ZNF469: variants seen among roughly 807,000 people sequenced by gnomAD.
ZNF469 encodes zinc finger protein 469.
A neutral mutation model predicts 1.0 loss-of-function variants in ZNF469; 1 was observed. The observed-to-expected ratio is 1.00, with a 90% CI of 0.35 to 4.73. The LOEUF (loss-of-function observed/expected upper bound fraction) is 4.73. Among genes scored for constraint, ZNF469 ranks in the 30% most tolerant of loss-of-function variants. ZNF469 has a pLI of 0.16. For missense variants in ZNF469, 6,100 were observed against 5,356.3 expected, an observed-to-expected ratio of 1.14 and a Z score of -4.33; for synonymous variants, 2,703 against 2,363.4, an observed-to-expected ratio of 1.14 and a Z score of -4.17.
the ZNF469 span, among the ~76,000 whole-genome samples, chr16:88,209,956 C>T: frequency 6.6e-6 from 1 of 152,174 alleles, no homozygotes; most frequent in Non-Finnish European, 1.5e-5. Context: ...ATTACTGATG[C>T]AAAACTAAAC....
the ZNF469 span, among the ~76,000 whole-genome samples, chr16:88,248,209 G>T: frequency 6.6e-6 from 1 of 152,202 alleles, no homozygotes; most frequent in Non-Finnish European, 1.5e-5. Context: ...CACTCTTAGG[G>T]TGAGAGAGCT....
the ZNF469 span, among the ~76,000 whole-genome samples, chr16:88,297,128 T>C: frequency 6.6e-6 from 1 of 152,218 alleles, no homozygotes; most frequent in African/African-American, 2.4e-5. Flanking sequence ...AGGGGCTGCT[T>C]TCGGCTCTAG....
At chr16:88,145,309 A>T in the ZNF469 span, among the ~76,000 whole-genome samples, 1 of 152,228 alleles carries the variant, frequency 6.6e-6, no homozygotes, top group South Asian at 2.1e-4. Context: ...TAATGAATGC[A>T]TGCCACCTGG....
At chr16:88,344,887 G>A in the ZNF469 span, among the ~76,000 whole-genome samples, 1 of 152,226 alleles carries the variant, frequency 6.6e-6, no homozygotes, top group Admixed American at 6.5e-5. Flanking sequence ...AGGTCGCCCT[G>A]CCTCCATCAC....
the ZNF469 span, among the ~76,000 whole-genome samples, chr16:88,326,935 C>G: frequency 6.6e-6 from 1 of 152,174 alleles, no homozygotes; most frequent in Non-Finnish European, 1.5e-5. Context: ...CCACCTCTCT[C>G]GGCCTGTGTC....
the ZNF469 span, among the ~76,000 whole-genome samples, chr16:88,333,240 C>T: frequency 1.1e-4 from 16 of 152,198 alleles, 1 homozygote; most frequent in Middle Eastern, 0.01. Flanking sequence ...GTCTCCAAGC[C>T]GGTGGGTACG....
At chr16:88,242,714 G>A in the ZNF469 span, among the ~76,000 whole-genome samples, 2 of 152,280 alleles carry the variant, frequency 1.3e-5, no homozygotes, top group Non-Finnish European at 2.9e-5. Flanking sequence ...GGGTCAGCCT[G>A]GTTCCCACAG....
chr16:88,417,203 G>A (rs563700547), intron 1 of ZNF469, among the ~76,000 whole-genome samples: 10 of 152,116 alleles, frequency 6.6e-5, no homozygotes, highest in Admixed American at 3.9e-4. Context: ...AAAGCCAGGG[G>A]CGAAAGAGCC....
chr16:88,154,646 ACTTTC>A, the ZNF469 span, among the ~76,000 whole-genome samples: 2 of 152,188 alleles, frequency 1.3e-5, no homozygotes, highest in Admixed American at 1.3e-4. Flanking sequence ...CTGGCTGCTC[ACTTTC>A]CTGTTTGTAA....
the ZNF469 span, among the ~76,000 whole-genome samples, chr16:88,347,399 C>T: frequency 6.6e-6 from 1 of 152,128 alleles, no homozygotes; most frequent in African/African-American, 2.4e-5. Context: ...GTGAGATTTC[C>T]ACTGAGCCGC....
At chr16:88,232,104 C>T in the ZNF469 span, among the ~76,000 whole-genome samples, 1 of 152,144 alleles carries the variant, frequency 6.6e-6, no homozygotes, top group African/African-American at 2.4e-5. Flanking sequence ...CCTCAGACCT[C>T]GACCACGCAA....
At chr16:88,258,068 C>G in the ZNF469 span, among the ~76,000 whole-genome samples, 4 of 152,184 alleles carry the variant, frequency 2.6e-5, no homozygotes, top group Non-Finnish European at 4.4e-5. Flanking sequence ...TTTGCCCCAA[C>G]CAGAGGTGAT....
At chr16:88,137,438 G>A in the ZNF469 span, among the ~76,000 whole-genome samples, 4,479 of 152,182 alleles carry the variant, frequency 0.029, 219 homozygotes, top group African/African-American at 0.1. Context: ...GCATGCAACC[G>A]TGTGTGTGCA....
the ZNF469 span, among the ~76,000 whole-genome samples, chr16:88,245,305 G>A: frequency 6.6e-6 from 1 of 152,366 alleles, no homozygotes; most frequent in Admixed American, 6.5e-5. Flanking sequence ...GGAGGAGGCT[G>A]TGACTCAGTC....
the ZNF469 span, among the ~76,000 whole-genome samples, chr16:88,138,220 G>A: frequency 6.6e-6 from 1 of 152,206 alleles, no homozygotes; most frequent in African/African-American, 2.4e-5. Context: ...GTAGTAGTTG[G>A]TGAATCATTA....
intron 1 of ZNF469, among the ~76,000 whole-genome samples, chr16:88,391,007 C>T (rs1358392647): frequency 1.3e-5 from 2 of 152,374 alleles, no homozygotes; most frequent in Middle Eastern, 3.4e-3. Flanking sequence ...TGGCCCGCGT[C>T]ATTCTCTCCA....
At chr16:88,291,458 T>C in the ZNF469 span, among the ~76,000 whole-genome samples, 1 of 152,202 alleles carries the variant, frequency 6.6e-6, no homozygotes, top group African/African-American at 2.4e-5. Flanking sequence ...CTTCGCCAAG[T>C]CCTGCTGCCG....
chr16:88,332,187 A>G, the ZNF469 span, among the ~76,000 whole-genome samples: 2 of 152,258 alleles, frequency 1.3e-5, no homozygotes, highest in South Asian at 4.1e-4. Flanking sequence ...AAATAAACAA[A>G]GTTGCATTTT....
the ZNF469 span, among the ~76,000 whole-genome samples, chr16:88,113,137 C>T: frequency 6.6e-6 from 1 of 152,134 alleles, no homozygotes; most frequent in South Asian, 2.1e-4. Flanking sequence ...GCCTTGGTTG[C>T]CTGTGCGTGG....
Sources: gnomAD v4.1 joint callset for allele counts (sites outside exome capture counted in the v4.1 genomes callset) on GRCh38, gnomAD v4.1.1 for gene constraint, MANE v1.5 for transcripts, NCBI Gene and HGNC (gene_info 2026-07-23, HGNC 2026-07-21) for gene names.